The following TNNI3K variants were observed in gnomAD, a reference collection of about 807,000 sequenced individuals.
TNNI3K encodes the protein serine/threonine-protein kinase TNNI3K.
A neutral mutation model predicts 114.5 loss-of-function variants in TNNI3K; 140 were observed. The ratio of observed to expected loss-of-function variants is 1.22; its 90% confidence interval spans 1.07 to 1.41. The LOEUF (loss-of-function observed/expected upper bound fraction) is 1.41. Among genes scored for constraint, TNNI3K ranks in the 40% most tolerant of loss-of-function variants. TNNI3K has a pLI of 0.00. For synonymous variants in TNNI3K, 347 were observed against 347.5 expected, an observed-to-expected ratio of 1.00 and a Z score of 0.02; for missense variants, 1,125 against 1,007.6, an observed-to-expected ratio of 1.12 and a Z score of -1.58.
rs532768629 is a variant in TNNI3K at position 74,485,861 on chromosome 1, A to G, written c.2122-3328A>G. Among the ~76,000 whole-genome samples the G allele has an allele frequency of 1.7e-4, 26 of 152,232 alleles. No homozygotes were observed. In the South Asian group the frequency reaches 2.5e-3, roughly 15 times the overall value. On this transcript the variant is annotated intron_variant, in intron 21 of 24. Transcript: ENST00000326637. ...CAAGAAAACAGACATGTGTCATACA[A>G]CCACAAAGAAATCAGTACTGCCAAC...
chr1:74,521,443 C>A lies in TNNI3K; in HGVS notation c.2352-18791C>A, dbSNP rs150901551. 2.0e-3 allele frequency among the ~76,000 whole-genome samples: 308 copies of A among 152,148 alleles called. 1 individual carries two copies. The highest frequency in any genetic ancestry group is 7.0e-3 in the African/African-American group (292 of 41,502). ...TTAACTATTTTATGAAATATGTATTCTAATGCAATAAATCCTTACCTTATC... is the reference window on the plus strand; with the variant it reads ...TTAACTATTTTATGAAATATGTATTATAATGCAATAAATCCTTACCTTATC... On this transcript the variant is annotated intron_variant, in intron 23 of 24. Coordinates refer to ENST00000326637, the MANE Select transcript of TNNI3K (RefSeq NM_015978.3).
chr1:74,500,072 A>G (rs1669531022), intron 23 of TNNI3K, among the ~76,000 whole-genome samples: 1 of 151,804 alleles, frequency 6.6e-6, no homozygotes, highest in Non-Finnish European at 1.5e-5. Flanking sequence ...ATAACTAATT[A>G]TATTTTTAAT....
In TNNI3K at chr1:74,543,907, C is replaced by A; in HGVS notation, c.2433C>A (p.Gly811=). The A allele has an allele frequency of 6.2e-7, 1 of 1,613,472 alleles. No homozygotes were observed. The highest frequency in any genetic ancestry group is 8.5e-7 in the Non-Finnish European group (1 of 1,179,746). ...SLQYTPIDKY[G]YVSDPMSSMH... ...AACTGAACTTCTTTTCTGATGCAGG[C>A]TATGTATCCGATCCCATGAGCTCAA... Residue 811 remains glycine, a splice_region_variant and synonymous_variant, in exon 25 of 25, where the codon GGC becomes GGA. Coordinates refer to ENST00000326637, the MANE Select transcript of TNNI3K (RefSeq NM_015978.3).
chr1:74,527,522 G>A (rs1465123740), intron 23 of TNNI3K, among the ~76,000 whole-genome samples: 3 of 152,168 alleles, frequency 2.0e-5, no homozygotes, highest in African/African-American at 7.2e-5. Flanking sequence ...TATAAGGCAT[G>A]AGCAAAAAAG....
chr1:74,325,566 A>G (rs752303212), intron 5 of TNNI3K, among the ~76,000 whole-genome samples: 31 of 152,206 alleles, frequency 2.0e-4, no homozygotes, highest in African/African-American at 6.8e-4. Context: ...AGAATCCACT[A>G]CAGGCTAAAA....
At chr1:74,241,581 T>C (rs1300302538) in intron 2 of TNNI3K, among the ~76,000 whole-genome samples, 8 of 152,214 alleles carry the variant, frequency 5.3e-5, no homozygotes, top group Admixed American at 5.2e-4. Context: ...ATGTCTTCTT[T>C]TGAGAAGTAT....
chr1:74,245,875 C>T (rs898965104), intron 2 of TNNI3K, among the ~76,000 whole-genome samples: 1 of 152,076 alleles, frequency 6.6e-6, no homozygotes, highest in Non-Finnish European at 1.5e-5. Flanking sequence ...TTCTGTGTTC[C>T]CCTGCAGCAA....
intron 17 of TNNI3K, among the ~76,000 whole-genome samples, chr1:74,392,186 A>G (rs952868459): frequency 6.6e-6 from 1 of 152,072 alleles, no homozygotes; most frequent in African/African-American, 2.4e-5. Context: ...TGGTAACTGG[A>G]TTGTAACTGG....
chr1:74,351,044 G>A (rs1241632564), intron 9 of TNNI3K, among the ~76,000 whole-genome samples: 5 of 151,636 alleles, frequency 3.3e-5, no homozygotes, highest in East Asian at 3.9e-4. Context: ...CTTAGTTGAT[G>A]CAGTTTCTTC....
intron 23 of TNNI3K, among the ~76,000 whole-genome samples, chr1:74,527,061 T>C (rs891459927): frequency 2.6e-5 from 4 of 152,186 alleles, no homozygotes; most frequent in African/African-American, 9.7e-5. Flanking sequence ...AGCATAAAAA[T>C]CTATATTTGT....
At chr1:74,294,619 A>G (rs941157004) in intron 5 of TNNI3K, among the ~76,000 whole-genome samples, 2 of 152,016 alleles carry the variant, frequency 1.3e-5, no homozygotes, top group South Asian at 2.1e-4. Context: ...TCCTATGTTC[A>G]TTTTTTAAAG....
At chr1:74,458,089 C>G (rs956438552) in intron 20 of TNNI3K, among the ~76,000 whole-genome samples, 1 of 152,092 alleles carries the variant, frequency 6.6e-6, no homozygotes, top group East Asian at 1.9e-4. Flanking sequence ...ATAATAGCAA[C>G]AACAACGCAG....
intron 4 of TNNI3K, among the ~76,000 whole-genome samples, chr1:74,261,117 T>C (rs1406713195): frequency 6.6e-6 from 1 of 152,070 alleles, no homozygotes; most frequent in African/African-American, 2.4e-5. Flanking sequence ...GTAATATATA[T>C]GTTGTGTATT....
chr1:74,401,206 T>C (rs1258454578), intron 17 of TNNI3K, among the ~76,000 whole-genome samples: 1 of 152,210 alleles, frequency 6.6e-6, no homozygotes, highest in Non-Finnish European at 1.5e-5. Context: ...AGCCCATATG[T>C]GTGCATGCAT....
At chr1:74,244,330 C>T (rs7550565) in intron 2 of TNNI3K, among the ~76,000 whole-genome samples, 2,250 of 152,110 alleles carry the variant, frequency 0.015, 49 homozygotes, top group African/African-American at 0.051. Context: ...AAGCAACAAG[C>T]AGCGGCTCAG....
intron 17 of TNNI3K, among the ~76,000 whole-genome samples, chr1:74,397,542 A>G (rs1053078160): frequency 2.0e-5 from 3 of 152,364 alleles, no homozygotes; most frequent in African/African-American, 7.2e-5. Context: ...ATGAAGCCAT[A>G]TTATTATAAA....
At chr1:74,435,749 C>A (rs1666093182) in intron 17 of TNNI3K, among the ~76,000 whole-genome samples, 1 of 152,022 alleles carries the variant, frequency 6.6e-6, no homozygotes, top group Admixed American at 6.6e-5. Context: ...TTCACTCTTT[C>A]CTTGTAACCA....
Position 74,264,871 on chromosome 1 carries a change from A to G in TNNI3K, c.334-6727A>G, listed in dbSNP as rs190147799. 7.6e-4 allele frequency among the ~76,000 whole-genome samples: 116 copies of G among 152,232 alleles called. 2 individuals are homozygous for G. Among genetic ancestry groups the G allele is most frequent in the South Asian group, 2.7e-3 (13 of 4,832 alleles). The stretch of plus-strand genomic sequence containing the variant: ...TGAATATAAGCTTACACCTGTAAGT[A>G]TCTTGAGTTTATAAGCATTTGCACA... On this transcript the variant is annotated intron_variant, in intron 4 of 24. Transcript: ENST00000326637.
intron 5 of TNNI3K, among the ~76,000 whole-genome samples, chr1:74,301,615 T>C (rs1051851579): frequency 2.6e-5 from 4 of 152,204 alleles, no homozygotes; most frequent in African/African-American, 7.2e-5. Context: ...CTGGGAGATA[T>C]GGCTTCTCAG....
Sources: allele counts gnomAD v4.1 joint callset (sites outside exome capture counted in the v4.1 genomes callset), GRCh38; gene constraint gnomAD v4.1.1; transcripts MANE v1.5; gene names NCBI Gene and HGNC (gene_info 2026-07-23, HGNC 2026-07-21).